The following CARMIL1 variants were observed in gnomAD, a reference collection of about 807,000 sequenced individuals.
CARMIL1 encodes the protein F-actin-uncapping protein LRRC16A.
A neutral mutation model predicts 177.1 loss-of-function variants in CARMIL1; 90 were observed. The observed-to-expected ratio is 0.51, with a 90% CI of 0.43 to 0.61. The LOEUF (loss-of-function observed/expected upper bound fraction) is 0.61. Ranked by LOEUF, CARMIL1 falls within the 20% of genes least tolerant of loss-of-function variation. The pLI is 0.00. For synonymous variants in CARMIL1, 577 were observed against 606.2 expected (o/e 0.95, Z 0.71); for missense variants, 1,380 against 1,667.0 (o/e 0.83, Z 3.00).
intron 2 of CARMIL1, among the ~76,000 whole-genome samples, chr6:25,332,764 C>CACACACACACACACACACACAT (rs1561995533): frequency 3.6e-4 from 53 of 146,092 alleles, no homozygotes; most frequent in African/African-American, 1.4e-3. Context: ...CACACACACA[C>CACACACACACACACACACACAT]ACACACACGC....
chr6:25,537,494 C>T (rs1417678967), intron 24 of CARMIL1, among the ~76,000 whole-genome samples: 1 of 152,124 alleles, frequency 6.6e-6, no homozygotes, highest in Non-Finnish European at 1.5e-5. Context: ...AGGGTGCTCA[C>T]TAAAAGTTAA....
chr6:25,363,960 G>T (rs1789493098), intron 2 of CARMIL1, among the ~76,000 whole-genome samples: 2 of 149,334 alleles, frequency 1.3e-5, no homozygotes, highest in African/African-American at 2.5e-5. Context: ...TTCTTTTTTT[G>T]AGACAGGGTC....
chr6:25,290,972 A>AT (rs200123097), intron 2 of CARMIL1, among the ~76,000 whole-genome samples: 4,108 of 151,870 alleles, frequency 0.027, 68 homozygotes, highest in Non-Finnish European at 0.038. Context: ...GCCTAATTAA[A>AT]TTTTTTTATT....
chr6:25,319,329 GTAA>G, intron 2 of CARMIL1, among the ~76,000 whole-genome samples: 1 of 152,018 alleles, frequency 6.6e-6, no homozygotes, highest in African/African-American at 2.4e-5. Flanking sequence ...GACTTATTTA[GTAA>G]TAATATTTAA....
chr6:25,469,633 A>G (rs556448319), intron 9 of CARMIL1, among the ~76,000 whole-genome samples: 1 of 152,040 alleles, frequency 6.6e-6, no homozygotes, highest in Non-Finnish European at 1.5e-5. Flanking sequence ...TGACGGTTCA[A>G]TGCAGCCTCG....
chr6:25,321,050 C>T (rs1784632611), intron 2 of CARMIL1, among the ~76,000 whole-genome samples: 1 of 151,388 alleles, frequency 6.6e-6, no homozygotes, highest in African/African-American at 2.4e-5. Flanking sequence ...TCTGCCTCCC[C>T]CAGCCCCCAC....
intron 11 of CARMIL1, chr6:25,478,990 C>T: frequency 2.3e-6 from 1 of 435,776 alleles, no homozygotes; most frequent in Non-Finnish European, 4.5e-6. Flanking sequence ...TCTGAACTCT[C>T]CAGGAAAGTT....
chr6:25,480,665 TTTAA>T (rs1802019887), intron 11 of CARMIL1, among the ~76,000 whole-genome samples: 1 of 148,336 alleles, frequency 6.7e-6, no homozygotes, highest in East Asian at 1.9e-4. Context: ...TTATATTTAA[TTTAA>T]ATTTATATTT....
intron 36 of CARMIL1, chr6:25,612,271 CTA>C (rs1490688125): frequency 6.6e-6 from 1 of 152,216 alleles, no homozygotes; most frequent in Non-Finnish European, 1.5e-5. Flanking sequence ...CTTGTGAGTT[CTA>C]TCTTTTTCTT....
At chr6:25,403,644 G>A (rs1462867421) in intron 2 of CARMIL1, among the ~76,000 whole-genome samples, 2 of 152,068 alleles carry the variant, frequency 1.3e-5, no homozygotes, top group Non-Finnish European at 1.5e-5. Flanking sequence ...TCTGGACCAT[G>A]CTTATCCCAG....
rs138480957 is a variant in CARMIL1 at position 25,403,053 on chromosome 6, C to A, written c.139-17061C>A. On this transcript the variant is annotated intron_variant, in intron 2 of 36. Coordinates refer to ENST00000329474, the MANE Select transcript of CARMIL1 (RefSeq NM_017640.6). ...GGAAAATTCTGGAACCAGCTGTTTC[C>A]TCTCAAGTTGCATTTCTTCCATAAA... 2.7e-3 allele frequency among the ~76,000 whole-genome samples: 407 copies of A among 150,292 alleles called. 1 individual carries two copies. Among genetic ancestry groups the A allele is most frequent in the African/African-American group, 9.3e-3 (380 of 40,918 alleles).
chr6:25,461,645 C>T (rs1300186058), intron 8 of CARMIL1, among the ~76,000 whole-genome samples: 2 of 152,188 alleles, frequency 1.3e-5, no homozygotes, highest in Non-Finnish European at 2.9e-5. Context: ...TAATTATCTA[C>T]ATTTTTATGT....
chr6:25,430,420 T>C (rs565205220), intron 4 of CARMIL1, among the ~76,000 whole-genome samples: 1 of 143,890 alleles, frequency 6.9e-6, no homozygotes, highest in South Asian at 2.3e-4. Context: ...TTGAGTTTTC[T>C]CTTTGAGAAG....
rs556723124 is a variant in CARMIL1, at chr6:25,295,359, TTATC to T, written c.138+10453_138+10456del. The stretch of plus-strand genomic sequence containing the variant: ...ACCCACTGTAGAGGAGTACTGTAGT[TTATC>T]TAACCATGTCCCTTATTGTCAGATA... On this transcript the variant is annotated intron_variant, in intron 2 of 36. Coordinates refer to ENST00000329474, the MANE Select transcript of CARMIL1 (RefSeq NM_017640.6). 2.0e-4 allele frequency among the ~76,000 whole-genome samples: 30 copies of T among 152,318 alleles called. No homozygotes were observed. In the Middle Eastern group the frequency reaches 0.014, roughly 69 times the overall value.
At chr6:25,352,319 C>CTT (rs10713909) in intron 2 of CARMIL1, among the ~76,000 whole-genome samples, 5 of 143,620 alleles carry the variant, frequency 3.5e-5, no homozygotes, top group Non-Finnish European at 6.1e-5. Context: ...TTGTAGGATA[C>CTT]TTTTTTTTTT....
At chr6:25,372,558 G>C (rs978646342) in intron 2 of CARMIL1, among the ~76,000 whole-genome samples, 6 of 152,130 alleles carry the variant, frequency 3.9e-5, no homozygotes, top group African/African-American at 1.2e-4. Context: ...TGTTGTTGGT[G>C]TATGGCAGTA....
At chr6:25,450,432 G>A in intron 7 of CARMIL1, 23 bp downstream of exon 7, 1 of 1,561,910 alleles carries the variant, frequency 6.4e-7, no homozygotes, top group Non-Finnish European at 8.8e-7. Context: ...GTGTACATGT[G>A]CATGAGCACA....
At chr6:25,443,305 A>T (rs1797938222) in intron 5 of CARMIL1, among the ~76,000 whole-genome samples, 1 of 152,230 alleles carries the variant, frequency 6.6e-6, no homozygotes, top group Non-Finnish European at 1.5e-5. Context: ...AACCAAGATG[A>T]ACCATTCCAA....
At chr6:25,433,706 T>C (rs1796999124) in intron 4 of CARMIL1, among the ~76,000 whole-genome samples, 1 of 152,234 alleles carries the variant, frequency 6.6e-6, no homozygotes, top group South Asian at 2.1e-4. Flanking sequence ...AATTTTTTTA[T>C]GTACAACTAA....
Sources: gnomAD v4.1 joint callset for allele counts (sites outside exome capture counted in the v4.1 genomes callset) on GRCh38, gnomAD v4.1.1 for gene constraint, MANE v1.5 for transcripts, NCBI Gene and HGNC (gene_info 2026-07-23, HGNC 2026-07-21) for gene names.